Variants in DPP6 observed in about 807,000 individuals in gnomAD.
DPP6 encodes dipeptidyl peptidase like 6.
A neutral mutation model predicts 122.6 loss-of-function variants in DPP6; 69 were observed. The observed-to-expected ratio is 0.56, with a 90% CI of 0.46 to 0.69. The LOEUF (loss-of-function observed/expected upper bound fraction) is 0.69, where lower values mean the gene tolerates loss of function less well. Ranked by LOEUF, DPP6 falls within the 30% of genes least tolerant of loss-of-function variation. The pLI is 0.00. For synonymous variants in DPP6, 418 were observed against 433.1 expected (o/e 0.97, Z 0.43); for missense variants, 928 against 1,116.9 (o/e 0.83, Z 2.41).
chr7:154,748,146 G>A (rs1187716021), intron 8 of DPP6, among the ~76,000 whole-genome samples: 1 of 152,208 alleles, frequency 6.6e-6, no homozygotes, highest in African/African-American at 2.4e-5. Context: ...GTGGTGGACA[G>A]CAGCCCATGT....
At chr7:153,778,612 A>G in the DPP6 span, among the ~76,000 whole-genome samples, 192 of 151,226 alleles carry the variant, frequency 1.3e-3, 2 homozygotes, top group East Asian at 0.032. Flanking sequence ...TAATCAAGAG[A>G]AAGAATAGTT....
chr7:154,160,182 C>T (rs56184436), intron 1 of DPP6, among the ~76,000 whole-genome samples: 18,337 of 149,560 alleles, frequency 0.12, 2,482 homozygotes, highest in African/African-American at 0.34. Flanking sequence ...TCCAGAACAC[C>T]AAGTAGCAAA....
chr7:154,028,183 ATGT>A (rs1225979264), intron 1 of DPP6, among the ~76,000 whole-genome samples: 9 of 151,760 alleles, frequency 5.9e-5, no homozygotes, highest in East Asian at 1.9e-4. Context: ...AGCTCCTAAT[ATGT>A]TGTTGTTAAA....
chr7:154,143,293 G>C (rs1795934303), intron 1 of DPP6, among the ~76,000 whole-genome samples: 2 of 152,202 alleles, frequency 1.3e-5, no homozygotes, highest in Admixed American at 1.3e-4. Context: ...TTCTAACATG[G>C]AGACTGCTTG....
intron 1 of DPP6, among the ~76,000 whole-genome samples, chr7:154,067,244 C>CT (rs201686376): frequency 0.036 from 4,519 of 125,378 alleles, 302 homozygotes; most frequent in African/African-American, 0.14. Context: ...TCCTTGCCTT[C>CT]AAGTCAAACA....
rs1349242398 is a variant in DPP6, at chr7:154,894,002, G to A, written c.*1522G>A. On this transcript the variant is annotated 3_prime_UTR_variant, in exon 26 of 26. Coordinates refer to ENST00000377770, the MANE Select transcript of DPP6 (RefSeq NM_130797.4). ...TTTGGGGCTTTGGGTTTATCCACAT[G>A]AGCTCTGAACGTCCGTTATAGTTAG... 1 of 152,196 alleles carries A rather than the reference G, an allele frequency of 6.6e-6. No homozygotes were observed. Among genetic ancestry groups the A allele is most frequent in the Non-Finnish European group, 1.5e-5 (1 of 68,040 alleles). The allele number at this position is 152,196 out of a possible 1,614,324, so 9.4% of individuals were successfully genotyped here.
chr7:154,853,880 C>A, intron 17 of DPP6, 53 bp downstream of exon 17: 1 of 1,606,506 alleles, frequency 6.2e-7, no homozygotes, highest in Non-Finnish European at 8.5e-7. Context: ...AGAAAGGAAG[C>A]AAAACACTCT....
upstream of DPP6, among the ~76,000 whole-genome samples, chr7:154,050,081 G>T (rs1405081533): frequency 6.6e-6 from 1 of 152,086 alleles, no homozygotes; most frequent in African/African-American, 2.4e-5. Flanking sequence ...TCAGACGCTC[G>T]CTCTTTCCTG....
At chr7:153,960,939 C>G (rs1795322869) in intron 1 of DPP6, among the ~76,000 whole-genome samples, 1 of 152,152 alleles carries the variant, frequency 6.6e-6, no homozygotes, top group African/African-American at 2.4e-5. Context: ...TTCCTAAAGG[C>G]CCATGTGTGG....
intron 5 of DPP6, among the ~76,000 whole-genome samples, chr7:154,611,870 TG>T (rs1193949388): frequency 1.3e-5 from 2 of 152,048 alleles, no homozygotes; most frequent in Non-Finnish European, 2.9e-5. Flanking sequence ...TGTGTGTGTG[TG>T]TGTGTGTGGT....
intron 1 of DPP6, among the ~76,000 whole-genome samples, chr7:154,115,915 C>T (rs1211572234): frequency 6.6e-6 from 1 of 151,888 alleles, no homozygotes; most frequent in Non-Finnish European, 1.5e-5. Flanking sequence ...ATAAGGTAAC[C>T]TCATTTGAGA....
chr7:154,744,448 T>G (rs191062306), intron 8 of DPP6, among the ~76,000 whole-genome samples: 272 of 152,354 alleles, frequency 1.8e-3, no homozygotes, highest in African/African-American at 5.8e-3. Flanking sequence ...GGGGAGCCGA[T>G]CCTCCTCCCT....
intron 1 of DPP6, among the ~76,000 whole-genome samples, chr7:154,169,808 C>T (rs1797443608): frequency 6.6e-6 from 1 of 152,094 alleles, no homozygotes; most frequent in African/African-American, 2.4e-5. Context: ...TTGGCTCACC[C>T]CAACCTCTGC....
chr7:154,882,942 ACG>A (rs1177759818), intron 21 of DPP6, among the ~76,000 whole-genome samples: 2 of 152,074 alleles, frequency 1.3e-5, no homozygotes, highest in East Asian at 3.8e-4. Flanking sequence ...CCTGCGCTTC[ACG>A]GTCTCAGTCA....
chr7:154,698,461 A>G (rs917821620), intron 7 of DPP6, among the ~76,000 whole-genome samples: 4 of 152,170 alleles, frequency 2.6e-5, no homozygotes, highest in African/African-American at 4.8e-5. Context: ...TCCTGATTCC[A>G]TGCTCACCAG....
intron 1 of DPP6, among the ~76,000 whole-genome samples, chr7:154,042,338 T>C (rs1164558456): frequency 2.0e-5 from 3 of 152,104 alleles, no homozygotes; most frequent in East Asian, 1.9e-4. Flanking sequence ...GGGCAACCAA[T>C]GAAAGGTTGG....
intron 7 of DPP6, among the ~76,000 whole-genome samples, chr7:154,724,951 G>C (rs945016291): frequency 1.3e-5 from 2 of 152,164 alleles, no homozygotes; most frequent in Non-Finnish European, 2.9e-5. Flanking sequence ...TATCAGAACA[G>C]TAAATTTTTT....
At position 154,282,093 on chromosome 7, in the gene DPP6, A is replaced by G. The variant is rs547126201; in HGVS notation, c.244-164121A>G. 2.0e-5 allele frequency among the ~76,000 whole-genome samples: 3 copies of G among 152,224 alleles called. No homozygotes were observed. The highest frequency in any genetic ancestry group is 4.8e-5 in the African/African-American group (2 of 41,544). ...ACCTGAGAGAGTGTCCTGAGAACCA[A>G]GTGTAATGATGTGTGTTGAGGGGTG... On this transcript the variant is annotated intron_variant, in intron 1 of 25. Coordinates refer to ENST00000377770, the MANE Select transcript of DPP6 (RefSeq NM_130797.4). This position sits in a 1 kb window ranked among gnomAD's most constrained non-coding sequence, Gnocchi z 4.8.
intron 8 of DPP6, among the ~76,000 whole-genome samples, chr7:154,739,025 A>C (rs1842698784): frequency 6.6e-6 from 1 of 152,222 alleles, no homozygotes; most frequent in African/African-American, 2.4e-5. Context: ...TCAAGGTCCC[A>C]GGCTGCTGGG....
Sources: allele counts gnomAD v4.1 joint callset (sites outside exome capture counted in the v4.1 genomes callset), GRCh38; gene constraint gnomAD v4.1.1; non-coding constraint Gnocchi (gnomAD v3.1); transcripts MANE v1.5; gene names NCBI Gene and HGNC (gene_info 2026-07-23, HGNC 2026-07-21).